The following KCNJ3 variants were observed in gnomAD, a reference collection of about 807,000 sequenced individuals.
KCNJ3 encodes G protein-activated inward rectifier potassium channel 1.
A neutral mutation model predicts 39.2 loss-of-function variants in KCNJ3; 4 were observed. The observed-to-expected ratio is 0.10, with a 90% CI of 0.05 to 0.23. The LOEUF (loss-of-function observed/expected upper bound fraction) is 0.23, where lower values mean the gene tolerates loss of function less well. Among genes scored for constraint, KCNJ3 ranks in the 10% least tolerant of loss-of-function variants. The pLI is 1.00. For synonymous variants in KCNJ3, 230 were observed against 237.4 expected, an observed-to-expected ratio of 0.97 and a Z score of 0.29; for missense variants, 276 against 634.9, an observed-to-expected ratio of 0.43 and a Z score of 6.08.
chr2:154,716,357 C>A (rs1041811951), intron 2 of KCNJ3, among the ~76,000 whole-genome samples: 1 of 147,608 alleles, frequency 6.8e-6, no homozygotes, highest in African/African-American at 2.5e-5. Context: ...GATCTCCTGA[C>A]CTCATGATTC....
At chr2:154,828,090 A>G (rs1433928332) in intron 2 of KCNJ3, among the ~76,000 whole-genome samples, 1 of 152,154 alleles carries the variant, frequency 6.6e-6, no homozygotes, top group Non-Finnish European at 1.5e-5. Flanking sequence ...TCCGCATTGT[A>G]GTTATGCTAA....
chr2:154,829,440 T>C (rs769005064), intron 2 of KCNJ3, among the ~76,000 whole-genome samples: 1 of 152,174 alleles, frequency 6.6e-6, no homozygotes, highest in Non-Finnish European at 1.5e-5. Context: ...TCCATCCATA[T>C]TGCTGCAAAG....
chr2:154,831,664 A>ATATT (rs1164651267), intron 2 of KCNJ3, among the ~76,000 whole-genome samples: 1 of 152,164 alleles, frequency 6.6e-6, no homozygotes, highest in African/African-American at 2.4e-5. Flanking sequence ...GTGTTCATAA[A>ATATT]TATTTATTAA....
chr2:154,700,832 T>G (rs1684881759), intron 1 of KCNJ3, among the ~76,000 whole-genome samples: 1 of 152,192 alleles, frequency 6.6e-6, no homozygotes, highest in East Asian at 1.9e-4. Context: ...GCAGTTCACT[T>G]GTCCTGTCAC....
intron 2 of KCNJ3, among the ~76,000 whole-genome samples, chr2:154,824,640 T>C (rs1026430395): frequency 7.2e-5 from 11 of 152,196 alleles, no homozygotes; most frequent in African/African-American, 1.9e-4. Flanking sequence ...TGCAATGGTA[T>C]TTCTTGTATT....
chr2:154,800,883 A>G (rs1324481245), intron 2 of KCNJ3, among the ~76,000 whole-genome samples: 1 of 152,248 alleles, frequency 6.6e-6, no homozygotes, highest in Non-Finnish European at 1.5e-5. Flanking sequence ...GAAGATGGCT[A>G]CACAATGCAG....
intron 2 of KCNJ3, among the ~76,000 whole-genome samples, chr2:154,734,929 A>G (rs1396530715): frequency 1.3e-5 from 2 of 152,232 alleles, no homozygotes; most frequent in African/African-American, 4.8e-5. Context: ...TGAACGGCAG[A>G]AAACAGAGAA....
intron 2 of KCNJ3, among the ~76,000 whole-genome samples, chr2:154,820,042 C>T (rs1246954901): frequency 6.6e-6 from 1 of 152,080 alleles, no homozygotes; most frequent in Non-Finnish European, 1.5e-5. Context: ...ATACTCTTCC[C>T]TCAGCTTCCC....
intron 2 of KCNJ3, among the ~76,000 whole-genome samples, chr2:154,820,365 GAAGA>G (rs1048399207): frequency 2.6e-5 from 4 of 152,138 alleles, no homozygotes. Flanking sequence ...CTGAAAATTA[GAAGA>G]TAGAACAAAT....
At chr2:154,749,306 CAGGCTCATCTA>C in intron 2 of KCNJ3, among the ~76,000 whole-genome samples, 1 of 152,046 alleles carries the variant, frequency 6.6e-6, no homozygotes, top group Non-Finnish European at 1.5e-5. Context: ...GTATTTATAG[CAGGCTCATCTA>C]CATGTCTGTG....
chr2:154,782,143 T>C (rs1351998133), intron 2 of KCNJ3, among the ~76,000 whole-genome samples: 1 of 152,130 alleles, frequency 6.6e-6, no homozygotes, highest in Non-Finnish European at 1.5e-5. Flanking sequence ...TCTTAATGAG[T>C]GAGATAGTTT....
intron 2 of KCNJ3, among the ~76,000 whole-genome samples, chr2:154,770,765 A>G (rs1389337528): frequency 6.6e-6 from 1 of 152,176 alleles, no homozygotes; most frequent in Non-Finnish European, 1.5e-5. Flanking sequence ...TTCTATAACA[A>G]AATACTCAAG....
chr2:154,789,629 A>G (rs1377407683), intron 2 of KCNJ3, among the ~76,000 whole-genome samples: 1 of 152,076 alleles, frequency 6.6e-6, no homozygotes, highest in Non-Finnish European at 1.5e-5. Flanking sequence ...CATATAGTGT[A>G]ATTAAACAAA....
chr2:154,815,250 TTAAC>T (rs1404250986), intron 2 of KCNJ3, among the ~76,000 whole-genome samples: 1 of 152,208 alleles, frequency 6.6e-6, no homozygotes, highest in South Asian at 2.1e-4. Context: ...TGTTTCAACT[TTAAC>T]TAAATCCTAA....
chr2:154,738,297 G>A (rs533329487), intron 2 of KCNJ3, among the ~76,000 whole-genome samples: 1 of 152,170 alleles, frequency 6.6e-6, no homozygotes, highest in South Asian at 2.1e-4. Context: ...GGGAGATGGG[G>A]ATTATTAATG....
intron 2 of KCNJ3, among the ~76,000 whole-genome samples, chr2:154,845,386 TG>T (rs1232679316): frequency 6.6e-6 from 1 of 152,094 alleles, no homozygotes. Flanking sequence ...CCCAAAGTGC[TG>T]GGATTACAGG....
At chr2:154,727,089 C>A (rs975547872) in intron 2 of KCNJ3, among the ~76,000 whole-genome samples, 3 of 151,878 alleles carry the variant, frequency 2.0e-5, no homozygotes, top group Non-Finnish European at 2.9e-5. Context: ...GATGGGTGCA[C>A]CAAAATCCCA....
chr2:154,702,307 T>A (rs2105145376), intron 1 of KCNJ3, among the ~76,000 whole-genome samples: 1 of 152,084 alleles, frequency 6.6e-6, no homozygotes, highest in East Asian at 1.9e-4. Context: ...TGTATTCTTT[T>A]CCTACTACCT....
intron 2 of KCNJ3, among the ~76,000 whole-genome samples, chr2:154,843,330 T>G (rs1377604856): frequency 1.3e-5 from 2 of 152,142 alleles, no homozygotes; most frequent in African/African-American, 4.8e-5. Context: ...GGGCTTCCCT[T>G]TGTGGGTAAC....
Sources: allele counts gnomAD v4.1 joint callset (sites outside exome capture counted in the v4.1 genomes callset), GRCh38; gene constraint gnomAD v4.1.1; transcripts MANE v1.5; gene names NCBI Gene and HGNC (gene_info 2026-07-23, HGNC 2026-07-21).